The following C10orf90 variants were observed in gnomAD, a reference collection of about 807,000 sequenced individuals.
C10orf90 encodes the protein chromosome 10 open reading frame 90.
In C10orf90, 56 loss-of-function variants were observed where a neutral mutation model predicts 62.5. The observed-to-expected ratio is 0.90, with a 90% CI of 0.72 to 1.12. The LOEUF (loss-of-function observed/expected upper bound fraction) is 1.12. Ranked by LOEUF, C10orf90 falls within the 50% of genes most tolerant of loss-of-function variation. The probability of loss-of-function intolerance (pLI) is 0.00; values close to 1 mark genes in which losing one functional copy is unlikely to be tolerated. For synonymous variants in C10orf90, 386 were observed against 340.4 expected (o/e 1.13, Z -1.47); for missense variants, 970 against 880.4 (o/e 1.10, Z -1.29).
chr10:126,460,202 C>T (rs953349792), intron 6 of C10orf90, among the ~76,000 whole-genome samples: 1 of 152,182 alleles, frequency 6.6e-6, no homozygotes, highest in African/African-American at 2.4e-5. Flanking sequence ...CCTGTTGAGC[C>T]AGAGCATGGT....
intron 2 of C10orf90, among the ~76,000 whole-genome samples, chr10:126,609,128 C>A (rs865779668): frequency 1.3e-5 from 2 of 152,168 alleles, no homozygotes; most frequent in Non-Finnish European, 2.9e-5. Flanking sequence ...TCAGGCCAGG[C>A]GTGGTGGCTC....
Position 126,504,641 on chromosome 10 carries a change from C to T in C10orf90, c.850G>A (p.Gly284Ser). Reference protein sequence around the residue: ...PPALANGAHPGRHQRSFACTE... With the variant: ...PPALANGAHPSRHQRSFACTE... ...CAGGCAAAAGATCTCTGATGCCGAC[C>T]TGGATGGGCGCCATTGGCCAGAGCC... The change falls in exon 4 of 10, where the codon GGT becomes AGT. Residue 284 changes from glycine (G) to serine (S), a missense_variant. By Grantham distance (56) the Gly-to-Ser change is moderately conservative (BLOSUM62 0). Transcript: ENST00000488181. The surrounding 1 kb of genome is among the most constrained non-coding windows in gnomAD (Gnocchi z 4.1). 1 of 1,614,234 alleles carries T rather than the reference C, an allele frequency of 6.2e-7. No homozygotes were observed. The highest frequency in any genetic ancestry group is 8.5e-7 in the Non-Finnish European group (1 of 1,180,042).
Position 126,425,679 on chromosome 10 carries a change from A to G in C10orf90, c.*185T>C. 1.6e-6 allele frequency: 1 copy of G among 619,988 alleles called. No individual in the cohort carries two copies. 38.4% of individuals were successfully genotyped at this position (619,988 alleles called of 1,614,324 possible). ...AACAGATTGTTGACCTATTTTCTCG[A>G]GGGTTATTGTTTCTGTTTGGCTTGG... On this transcript the variant is annotated 3_prime_UTR_variant, in exon 10 of 10. Transcript: ENST00000488181.
At chr10:126,644,471 C>T (rs949259561) in intron 2 of C10orf90, among the ~76,000 whole-genome samples, 2 of 152,236 alleles carry the variant, frequency 1.3e-5, no homozygotes, top group Admixed American at 1.3e-4. Flanking sequence ...TGACTCCTTG[C>T]CTTCTACTAG....
intron 7 of C10orf90, among the ~76,000 whole-genome samples, chr10:126,450,396 G>A (rs2134065716): frequency 6.6e-6 from 1 of 152,308 alleles, no homozygotes; most frequent in East Asian, 1.9e-4. Context: ...CCAAGCGATT[G>A]AGAGCAAAAA....
chr10:126,616,398 T>C (rs1225153468), intron 2 of C10orf90, among the ~76,000 whole-genome samples: 1 of 152,190 alleles, frequency 6.6e-6, no homozygotes, highest in Admixed American at 6.5e-5. Context: ...AAGAGAGAAG[T>C]ACGGCAATTA....
intron 3 of C10orf90, among the ~76,000 whole-genome samples, chr10:126,509,369 G>A (rs1254836525): frequency 6.6e-6 from 1 of 152,124 alleles, no homozygotes; most frequent in African/African-American, 2.4e-5. Flanking sequence ...GAAACGAGTG[G>A]ATATCTGACA....
intron 2 of C10orf90, among the ~76,000 whole-genome samples, chr10:126,532,776 G>C (rs1864130001): frequency 8.2e-6 from 1 of 122,542 alleles, no homozygotes; most frequent in Non-Finnish European, 1.6e-5. Flanking sequence ...GGCGGAGATT[G>C]CAGTGAGCCG....
chr10:126,529,467 A>G (rs928663747), intron 2 of C10orf90, among the ~76,000 whole-genome samples: 7 of 152,212 alleles, frequency 4.6e-5, no homozygotes, highest in African/African-American at 1.7e-4. Context: ...AACCCATATA[A>G]CAGACAAAGG....
chr10:126,650,832 G>A (rs370330264), intron 1 of C10orf90, among the ~76,000 whole-genome samples: 38 of 152,200 alleles, frequency 2.5e-4, no homozygotes, highest in South Asian at 1.2e-3. Context: ...ACAAGAAAAC[G>A]GTGGCTCTGT....
In C10orf90 at chr10:126,576,984, A is replaced by T. The variant is rs187057268; in HGVS notation, c.314-63045T>A. Among the ~76,000 whole-genome samples the T allele has an allele frequency of 2.0e-3, 301 of 151,742 alleles. 3 individuals are homozygous for T. Among genetic ancestry groups the T allele is most frequent in the Non-Finnish European group, 2.6e-3 (179 of 67,742 alleles). On this transcript the variant is annotated intron_variant, in intron 2 of 9. Transcript: ENST00000488181. ...AGGAGTAAAAAGTAGAACAGAGGAT[A>T]CTAGAGGCTGAGAAGGGTAGGGGGA...
At chr10:126,545,463 T>TA (rs1864469258) in intron 2 of C10orf90, among the ~76,000 whole-genome samples, 1 of 65,296 alleles carries the variant, frequency 1.5e-5, no homozygotes, top group Non-Finnish European at 3.7e-5. Flanking sequence ...AGTCACTGAT[T>TA]TAAAAAAAAA....
chr10:126,503,484 C>T (rs1862519597), intron 4 of C10orf90, among the ~76,000 whole-genome samples: 1 of 152,120 alleles, frequency 6.6e-6, no homozygotes. Context: ...TTACACGCTC[C>T]ATTATGAAGC....
chr10:126,450,009 A>T (rs1026383846), intron 7 of C10orf90, among the ~76,000 whole-genome samples: 5 of 149,016 alleles, frequency 3.4e-5, no homozygotes, highest in African/African-American at 4.9e-5. Context: ...AAAAAAAAAA[A>T]TCAGTAGCAT....
intron 2 of C10orf90, among the ~76,000 whole-genome samples, chr10:126,539,028 A>G (rs533304242): frequency 6.6e-6 from 1 of 152,332 alleles, no homozygotes; most frequent in African/African-American, 2.4e-5. Flanking sequence ...GAGCAAAATT[A>G]GCTTTGAAGT....
intron 2 of C10orf90, among the ~76,000 whole-genome samples, chr10:126,582,432 G>A (rs150628374): frequency 9.0e-4 from 137 of 152,260 alleles, no homozygotes; most frequent in Non-Finnish European, 1.4e-3. Flanking sequence ...TATGAAGCCC[G>A]CATGGAAGTG....
intron 2 of C10orf90, chr10:126,521,537 G>A (rs1451503444): frequency 1.7e-6 from 2 of 1,190,850 alleles, no homozygotes; most frequent in Non-Finnish European, 1.1e-6. Context: ...CAGGGGAGGT[G>A]GCATACAAGC....
intron 2 of C10orf90, among the ~76,000 whole-genome samples, chr10:126,587,235 T>C (rs183025413): frequency 2.0e-5 from 3 of 152,360 alleles, no homozygotes; most frequent in African/African-American, 7.2e-5. Flanking sequence ...ATCTGGGGCA[T>C]TTAAAGATCT....
chr10:126,459,668 A>T (rs1260404559), intron 6 of C10orf90, among the ~76,000 whole-genome samples: 1 of 152,210 alleles, frequency 6.6e-6, no homozygotes, highest in Non-Finnish European at 1.5e-5. Flanking sequence ...CAGATCATCC[A>T]CTCAGCGTGA....
Sources: allele counts gnomAD v4.1 joint callset (sites outside exome capture counted in the v4.1 genomes callset), GRCh38; gene constraint gnomAD v4.1.1; non-coding constraint Gnocchi (gnomAD v3.1); transcripts MANE v1.5; gene names NCBI Gene and HGNC (gene_info 2026-07-23, HGNC 2026-07-21).